Variants in VPS54 observed in about 807,000 individuals in gnomAD.
The protein encoded by VPS54 is vacuolar protein sorting-associated protein 54.
A neutral mutation model predicts 121.5 loss-of-function variants in VPS54; 45 were observed. That is an observed-to-expected ratio of 0.37 (90% confidence interval 0.29 to 0.47). The LOEUF (loss-of-function observed/expected upper bound fraction) is 0.47, where lower values mean the gene tolerates loss of function less well. Ranked by LOEUF, VPS54 falls within the 20% of genes least tolerant of loss-of-function variation. The probability of loss-of-function intolerance (pLI) is 0.99; values close to 1 mark genes in which losing one functional copy is unlikely to be tolerated. For synonymous variants in VPS54, 371 were observed against 385.8 expected (o/e 0.96, Z 0.45); for missense variants, 1,090 against 1,131.4 (o/e 0.96, Z 0.52).
intron 7 of VPS54, among the ~76,000 whole-genome samples, chr2:63,956,545 T>C (rs1439721617): frequency 6.6e-6 from 1 of 152,190 alleles, no homozygotes; most frequent in Non-Finnish European, 1.5e-5. Context: ...TTCAGAGTGA[T>C]CTATTTGAGG....
Position 63,988,382 on chromosome 2 carries a change from T to C in VPS54, c.-20-4363A>G, listed in dbSNP as rs143681916. Among the ~76,000 whole-genome samples, 4 of 152,320 alleles carry C rather than the reference T, an allele frequency of 2.6e-5. No individual in the cohort carries two copies. In the East Asian group the frequency reaches 5.8e-4, roughly 22 times the overall value. On this transcript the variant is annotated intron_variant, in intron 1 of 22. Transcript: ENST00000272322. Reference sequence around the variant, plus strand: ...TCATGATGAATAATATTTTTAATTGTTGTTGAATTTGGTTTGCTAGTATTT... The same window carrying C: ...TCATGATGAATAATATTTTTAATTGCTGTTGAATTTGGTTTGCTAGTATTT...
chr2:63,897,347 C>G (rs1672487739), intron 22 of VPS54, 149 bp downstream of exon 22: 3 of 569,020 alleles, frequency 5.3e-6, no homozygotes, highest in Non-Finnish European at 9.1e-6. Context: ...GATATTTCCA[C>G]AGGGGAAAAA....
chr2:63,999,482 A>T lies in VPS54; in HGVS notation c.-20-15463T>A, dbSNP rs1338502479. Among the ~76,000 whole-genome samples, 3 of 151,980 alleles carry T rather than the reference A, an allele frequency of 2.0e-5. No homozygotes were observed. The East Asian group carries it at 5.8e-4, about 29-fold the overall frequency. ...GCCAGCCATATTGGAGCTCCATTGTATGTTGTTTCTTTTCTCTTGCTCCTT... is the reference window on the plus strand; with the variant it reads ...GCCAGCCATATTGGAGCTCCATTGTTTGTTGTTTCTTTTCTCTTGCTCCTT... On this transcript the variant is annotated intron_variant, in intron 1 of 22. Coordinates refer to ENST00000272322, the MANE Select transcript of VPS54 (RefSeq NM_016516.3).
chr2:63,950,658 A>G (rs72808252), intron 7 of VPS54, among the ~76,000 whole-genome samples: 5,777 of 152,266 alleles, frequency 0.038, 184 homozygotes, highest in South Asian at 0.15. Flanking sequence ...AGCTTTATAG[A>G]TAAGGGCAGT....
intron 7 of VPS54, among the ~76,000 whole-genome samples, chr2:63,950,594 G>A (rs1675194194): frequency 6.6e-6 from 1 of 152,154 alleles, no homozygotes; most frequent in Non-Finnish European, 1.5e-5. Flanking sequence ...TGTTGTATAA[G>A]CAGAAGACTG....
At chr2:63,924,976 A>G (rs930010110) in intron 12 of VPS54, among the ~76,000 whole-genome samples, 1 of 152,234 alleles carries the variant, frequency 6.6e-6, no homozygotes, top group Non-Finnish European at 1.5e-5. Flanking sequence ...GTAACCAGAA[A>G]ACATCTTCAA....
At chr2:63,993,517 T>C (rs1181058826) in intron 1 of VPS54, among the ~76,000 whole-genome samples, 1 of 152,226 alleles carries the variant, frequency 6.6e-6, no homozygotes, top group South Asian at 2.1e-4. Flanking sequence ...TTCCTCATTC[T>C]GTGTCAAAAA....
chr2:64,008,753 C>T lies in VPS54; in HGVS notation c.-21+10185G>A, dbSNP rs141447733. Among the ~76,000 whole-genome samples the T allele has an allele frequency of 2.4e-4, 36 of 152,098 alleles. 1 individual carries two copies. Among genetic ancestry groups the T allele is most frequent in the South Asian group, 8.3e-4 (4 of 4,828 alleles). Reference sequence around the variant, plus strand: ...GCTAGATCAAGAGCATGTAAAAATACGCTATCAATGAAAGAAGGAAGGATG... The same window carrying T: ...GCTAGATCAAGAGCATGTAAAAATATGCTATCAATGAAAGAAGGAAGGATG... On this transcript the variant is annotated intron_variant, in intron 1 of 22. Coordinates refer to ENST00000272322, the MANE Select transcript of VPS54 (RefSeq NM_016516.3).
chr2:64,019,373 C>T lies in VPS54; in HGVS notation c.-456G>A, dbSNP rs1275763581. Among the ~76,000 whole-genome samples the T allele has an allele frequency of 6.6e-6, 1 of 151,198 alleles. No homozygotes were observed. The highest frequency in any genetic ancestry group is 1.5e-5 in the Non-Finnish European group (1 of 67,762). On this transcript the variant is annotated 5_prime_UTR_variant, in exon 1 of 23. Transcript: ENST00000272322. ...CCCCGCCGGCCCAGCCGGCTCGGCC[C>T]GGTCGGGTGCGGGGAGACAGCGCCG...
At chr2:63,893,730 T>C (rs1281449696) in intron 22 of VPS54, among the ~76,000 whole-genome samples, 195 bp from the exon 23 acceptor site, 1 of 152,206 alleles carries the variant, frequency 6.6e-6, no homozygotes, top group Non-Finnish European at 1.5e-5. Context: ...CAATAATAAA[T>C]ATTTGGAAAA....
chr2:63,913,333 A>C, intron 17 of VPS54, 23 bp from the exon 18 acceptor site: 1 of 1,580,030 alleles, frequency 6.3e-7, no homozygotes, highest in Non-Finnish European at 8.6e-7. Context: ...GGAGAAAAAA[A>C]CCCCAAAATT....
At chr2:64,017,111 G>A (rs1469698371) in intron 1 of VPS54, among the ~76,000 whole-genome samples, 1 of 151,064 alleles carries the variant, frequency 6.6e-6, no homozygotes, top group African/African-American at 2.4e-5. Flanking sequence ...GGAGGCCGAG[G>A]CCGGTGGATC....
intron 11 of VPS54, among the ~76,000 whole-genome samples, chr2:63,939,108 T>C (rs954389107): frequency 9.2e-5 from 14 of 152,260 alleles, no homozygotes; most frequent in Non-Finnish European, 1.5e-4. Context: ...TTTTAAAAAG[T>C]ATAATACTAA....
At chr2:63,913,352 ACTGT>A (rs767166995) in intron 17 of VPS54, 42 bp from the exon 18 acceptor site, 2 of 1,473,942 alleles carry the variant, frequency 1.4e-6, no homozygotes, top group South Asian at 2.4e-5. Flanking sequence ...TTTACTAAAA[ACTGT>A]TCTTTATATC....
chr2:63,941,812 T>A (rs564286486), intron 11 of VPS54, among the ~76,000 whole-genome samples: 1 of 151,948 alleles, frequency 6.6e-6, no homozygotes, highest in Non-Finnish European at 1.5e-5. Flanking sequence ...GGCGGGCAGA[T>A]CACTTGAGGT....
In VPS54 at chr2:63,949,094, A is replaced by G; in HGVS notation, c.1080T>C (p.Thr360=). 1 of 1,611,896 alleles carries G rather than the reference A, an allele frequency of 6.2e-7. No individual in the cohort carries two copies. Among genetic ancestry groups the G allele is most frequent in the African/African-American group, 1.3e-5 (1 of 74,988 alleles). ...GTCTATTTAAGTCACTGTGAGAATA[A>G]GTAGAAAATTCTGCAATCATCATTT... ...IDKMMIAEFS[T]YSHSDLNRPL... is the part of the protein sequence containing the mutation. Residue 360 remains threonine, a synonymous_variant, in exon 8 of 23, where the codon ACT becomes ACC. Coordinates refer to ENST00000272322, the MANE Select transcript of VPS54 (RefSeq NM_016516.3).
chr2:63,945,761 G>A (rs999151298), intron 9 of VPS54, among the ~76,000 whole-genome samples: 1 of 152,064 alleles, frequency 6.6e-6, no homozygotes, highest in Non-Finnish European at 1.5e-5. Flanking sequence ...TAGGAACAAG[G>A]TGTAAGCCCC....
At chr2:63,910,284 A>G (rs1054029940) in intron 20 of VPS54, among the ~76,000 whole-genome samples, 1 of 152,204 alleles carries the variant, frequency 6.6e-6, no homozygotes, top group African/African-American at 2.4e-5. Flanking sequence ...AAAGTCATCA[A>G]TGGAGAAGAT....
chr2:63,982,189 CTCTA>C (rs1249292613), intron 2 of VPS54, among the ~76,000 whole-genome samples: 5 of 148,842 alleles, frequency 3.4e-5, no homozygotes, highest in South Asian at 2.2e-4. Flanking sequence ...TGTACAATTA[CTCTA>C]TCTTTTTTTT....
Sources: gnomAD v4.1 joint callset for allele counts (sites outside exome capture counted in the v4.1 genomes callset) on GRCh38, gnomAD v4.1.1 for gene constraint, MANE v1.5 for transcripts, NCBI Gene and HGNC (gene_info 2026-07-23, HGNC 2026-07-21) for gene names.